NLGN1: variants seen among roughly 807,000 people sequenced by gnomAD.
NLGN1 encodes the protein neuroligin-1.
Under a neutral mutation model 65.5 loss-of-function variants are expected in NLGN1, and 12 were observed. That is an observed-to-expected ratio of 0.18 (90% CI 0.12 to 0.30). The LOEUF (loss-of-function observed/expected upper bound fraction) is 0.30. Among genes scored for constraint, NLGN1 ranks in the 10% least tolerant of loss-of-function variants. NLGN1 has a pLI of 1.00. For missense variants in NLGN1, 750 were observed against 1,007.1 expected (o/e 0.74, Z 3.46); for synonymous variants, 350 against 359.5 (o/e 0.97, Z 0.30).
At chr3:173,567,745 G>A (rs1256566174) in intron 2 of NLGN1, among the ~76,000 whole-genome samples, 7 of 151,738 alleles carry the variant, frequency 4.6e-5, no homozygotes, top group Admixed American at 4.6e-4. Context: ...CCACATACAG[G>A]TTTTCCTTCT....
intron 4 of NLGN1, among the ~76,000 whole-genome samples, chr3:174,122,210 T>C (rs1031585591): frequency 6.6e-6 from 1 of 152,152 alleles, no homozygotes; most frequent in African/African-American, 2.4e-5. Flanking sequence ...TGTAAAAACA[T>C]AGTAAGTTGT....
At chr3:173,614,029 TAAAA>T (rs5854520) in intron 3 of NLGN1, among the ~76,000 whole-genome samples, 1 of 137,546 alleles carries the variant, frequency 7.3e-6, no homozygotes, top group East Asian at 2.1e-4. Flanking sequence ...TTATTCCACT[TAAAA>T]AAAAAAAAAA....
intron 4 of NLGN1, among the ~76,000 whole-genome samples, chr3:174,009,552 T>C (rs291929): frequency 0.94 from 143,662 of 152,214 alleles, 67,829 homozygotes; most frequent in East Asian, 0.98. Flanking sequence ...CAGCCAGAAA[T>C]TGGTGGAGCG....
intron 4 of NLGN1, among the ~76,000 whole-genome samples, chr3:174,059,505 A>G (rs568542538): frequency 2.0e-4 from 31 of 152,200 alleles, no homozygotes; most frequent in Non-Finnish European, 3.1e-4. Context: ...TCAATTTCCA[A>G]TTTCACTCCC....
intron 2 of NLGN1, among the ~76,000 whole-genome samples, chr3:173,450,653 A>G (rs377758886): frequency 6.6e-6 from 1 of 152,148 alleles, no homozygotes; most frequent in Non-Finnish European, 1.5e-5. Context: ...ATCCTGCAGA[A>G]TGTTTTCCAA....
At chr3:173,657,928 A>G (rs1056454843) in intron 3 of NLGN1, among the ~76,000 whole-genome samples, 6 of 151,848 alleles carry the variant, frequency 4.0e-5, no homozygotes, top group Non-Finnish European at 8.8e-5. Flanking sequence ...TTTATGCCTG[A>G]TTGTACTGGT....
chr3:173,738,561 A>C (rs1417417699), intron 3 of NLGN1, among the ~76,000 whole-genome samples: 2 of 152,102 alleles, frequency 1.3e-5, no homozygotes, highest in Non-Finnish European at 2.9e-5. Flanking sequence ...TAAATGTGAA[A>C]AGGTATTTCT....
chr3:173,785,721 G>A (rs967704735), intron 3 of NLGN1, among the ~76,000 whole-genome samples: 1 of 152,014 alleles, frequency 6.6e-6, no homozygotes, highest in East Asian at 1.9e-4. Flanking sequence ...CTATAAGAGT[G>A]TATGTATAAT....
At chr3:173,648,282 C>A (rs1373286543) in intron 3 of NLGN1, among the ~76,000 whole-genome samples, 1 of 152,040 alleles carries the variant, frequency 6.6e-6, no homozygotes. Flanking sequence ...AAATGTATAA[C>A]AAAATCTCTA....
chr3:173,641,452 A>C (rs1207002417), intron 3 of NLGN1, among the ~76,000 whole-genome samples: 1 of 152,046 alleles, frequency 6.6e-6, no homozygotes, highest in African/African-American at 2.4e-5. Flanking sequence ...GTGTGCCACC[A>C]CGCCCAGCTA....
intron 4 of NLGN1, among the ~76,000 whole-genome samples, chr3:173,991,112 A>G (rs1721008941): frequency 6.6e-6 from 1 of 152,148 alleles, no homozygotes; most frequent in Non-Finnish European, 1.5e-5. Flanking sequence ...GGTGTTGTAC[A>G]TTCCTTGAGT....
In NLGN1 at chr3:173,664,997, G is replaced by A. The variant is rs373762428; in HGVS notation, c.493+59906G>A. Among the ~76,000 whole-genome samples, 14 of 152,028 alleles carry A rather than the reference G, an allele frequency of 9.2e-5. No individual in the cohort carries two copies. The East Asian group carries it at 1.3e-3, about 15-fold the overall frequency. On this transcript the variant is annotated intron_variant, in intron 3 of 6. Coordinates refer to ENST00000457714, the Ensembl canonical transcript of NLGN1. ...ATAATATATTCCGTATTAGTGACTGGCATATGGTTGGTCCTTATAAATATT... is the reference window on the plus strand; with the variant it reads ...ATAATATATTCCGTATTAGTGACTGACATATGGTTGGTCCTTATAAATATT...
intron 3 of NLGN1, among the ~76,000 whole-genome samples, chr3:173,737,810 T>C (rs1360783298): frequency 6.6e-6 from 1 of 152,016 alleles, no homozygotes; most frequent in Non-Finnish European, 1.5e-5. Context: ...ACCCAATATT[T>C]AACACTTTGA....
intron 1 of NLGN1, among the ~76,000 whole-genome samples, chr3:173,420,065 CT>C (rs34404987): frequency 1.6e-4 from 24 of 147,084 alleles, no homozygotes; most frequent in South Asian, 4.3e-4. Context: ...GATCTTTTTT[CT>C]TTTTTTTTTC....
chr3:174,045,705 A>G (rs1348694719), intron 4 of NLGN1, among the ~76,000 whole-genome samples: 2 of 152,212 alleles, frequency 1.3e-5, no homozygotes, highest in African/African-American at 4.8e-5. Flanking sequence ...TCAAACCAGT[A>G]TTCCTCTAAA....
At chr3:173,912,518 G>A (rs1178792588) in intron 4 of NLGN1, 1 of 152,150 alleles carries the variant, frequency 6.6e-6, no homozygotes, top group Non-Finnish European at 1.5e-5. Flanking sequence ...TATGTGCTAA[G>A]TGTCTGGTAT....
chr3:173,638,761 G>A (rs535566641), intron 3 of NLGN1, among the ~76,000 whole-genome samples: 1 of 152,222 alleles, frequency 6.6e-6, no homozygotes, highest in African/African-American at 2.4e-5. Flanking sequence ...TCATAGTCTG[G>A]TTACACAGTG....
At chr3:173,900,386 GATA>G (rs1324730478) in intron 4 of NLGN1, among the ~76,000 whole-genome samples, 1 of 152,000 alleles carries the variant, frequency 6.6e-6, no homozygotes, top group Non-Finnish European at 1.5e-5. Flanking sequence ...TTGCCCTGCT[GATA>G]TGCAAATTCA....
At chr3:174,081,985 A>G (rs543936496) in intron 4 of NLGN1, among the ~76,000 whole-genome samples, 3 of 152,330 alleles carry the variant, frequency 2.0e-5, no homozygotes, top group African/African-American at 7.2e-5. Context: ...TCCATATGAG[A>G]GAGTAGTTGA....
Sources: allele counts gnomAD v4.1 joint callset (sites outside exome capture counted in the v4.1 genomes callset), GRCh38; gene constraint gnomAD v4.1.1; transcripts MANE v1.5; gene names NCBI Gene and HGNC (gene_info 2026-07-23, HGNC 2026-07-21).